The following GAS2L3 variants were observed in gnomAD, a reference collection of about 807,000 sequenced individuals.
The protein encoded by GAS2L3 is growth arrest specific 2 like 3, also known as GAS2-like protein 3.
GAS2L3 carries 28 observed loss-of-function variants against 37.0 expected under a neutral mutation model. The ratio of observed to expected loss-of-function variants is 0.76; its 90% CI spans 0.56 to 1.04. The LOEUF (loss-of-function observed/expected upper bound fraction) is 1.04. GAS2L3 is among the 50% of genes least tolerant of loss of function. GAS2L3 has a pLI of 0.00. For synonymous variants in GAS2L3, 290 were observed against 296.6 expected, an observed-to-expected ratio of 0.98 and a Z score of 0.23; for missense variants, 793 against 817.6, an observed-to-expected ratio of 0.97 and a Z score of 0.37.
intron 5 of GAS2L3, among the ~76,000 whole-genome samples, chr12:100,609,987 C>T (rs547041960): frequency 4.6e-5 from 7 of 152,274 alleles, no homozygotes; most frequent in South Asian, 4.1e-4. Flanking sequence ...CTCAGTGATA[C>T]GAAATTAAAA....
At chr12:100,591,285 G>A (rs762314283) in intron 1 of GAS2L3, among the ~76,000 whole-genome samples, 43 of 151,994 alleles carry the variant, frequency 2.8e-4, no homozygotes, top group East Asian at 5.8e-4. Flanking sequence ...AGATCACAGC[G>A]CAAACAGTTA....
intron 1 of GAS2L3, among the ~76,000 whole-genome samples, chr12:100,580,802 G>C (rs1955701608): frequency 6.6e-6 from 1 of 152,164 alleles, no homozygotes; most frequent in South Asian, 2.1e-4. Context: ...TGTTGAACTA[G>C]ATGCTTCCTG....
chr12:100,583,279 A>G (rs899820295), intron 1 of GAS2L3, among the ~76,000 whole-genome samples: 1 of 152,240 alleles, frequency 6.6e-6, no homozygotes, highest in Non-Finnish European at 1.5e-5. Flanking sequence ...GTAAGGTCAC[A>G]TATTCACAGG....
chr12:100,574,030 C>T (rs73155629), intron 1 of GAS2L3: 1,740 of 152,438 alleles, frequency 0.011, 21 homozygotes, highest in Middle Eastern at 0.034. Context: ...CACCTGTCCA[C>T]CCAAGTGCGG....
chr12:100,581,733 A>T lies in GAS2L3; in HGVS notation c.-152+7948A>T, dbSNP rs147881679. On this transcript the variant is annotated intron_variant, in intron 1 of 9. Transcript: ENST00000547754. ...TTTATGTGTAGGAACTCACATATAA[A>T]CATGAAATAACCACTGCCAATATTC... is the stretch of plus-strand genomic sequence containing the variant. Among the ~76,000 whole-genome samples the T allele has an allele frequency of 7.6e-4, 116 of 152,362 alleles. No individual in the cohort carries two copies. In the East Asian group the frequency reaches 0.019, roughly 25 times the overall value.
intron 5 of GAS2L3, among the ~76,000 whole-genome samples, chr12:100,609,481 C>G (rs1025823989): frequency 6.6e-6 from 1 of 152,036 alleles, no homozygotes; most frequent in Non-Finnish European, 1.5e-5. Flanking sequence ...TTCTTTGCAC[C>G]TTATGGCTGC....
intron 1 of GAS2L3, among the ~76,000 whole-genome samples, chr12:100,582,942 T>C (rs1212330848): frequency 6.6e-6 from 1 of 152,194 alleles, no homozygotes; most frequent in Admixed American, 6.5e-5. Context: ...GATCTCTCTT[T>C]GATGCTCTTC....
intron 3 of GAS2L3, among the ~76,000 whole-genome samples, chr12:100,598,869 C>G (rs1041646450): frequency 2.6e-5 from 4 of 152,174 alleles, no homozygotes; most frequent in African/African-American, 7.2e-5. Flanking sequence ...TTGTACCTGT[C>G]TTCAGTGAGA....
chr12:100,579,838 T>C (rs761868358), intron 1 of GAS2L3: 11 of 736,240 alleles, frequency 1.5e-5, no homozygotes, highest in African/African-American at 7.0e-5. Context: ...ATTTTCCAAC[T>C]GAAGTCAGGG....
At chr12:100,585,309 G>A (rs1245197700) in intron 1 of GAS2L3, among the ~76,000 whole-genome samples, 1 of 151,342 alleles carries the variant, frequency 6.6e-6, no homozygotes, top group Non-Finnish European at 1.5e-5. Context: ...AGGTTGGAGT[G>A]CAGTGTAGCA....
chr12:100,585,233 A>G (rs1955765428), intron 1 of GAS2L3, among the ~76,000 whole-genome samples: 1 of 150,406 alleles, frequency 6.6e-6, no homozygotes, highest in Admixed American at 6.6e-5. Flanking sequence ...CCTGAAACAA[A>G]CCAAAACACA....
chr12:100,624,213 C>T lies in GAS2L3; in HGVS notation c.1408C>T (p.Gln470Ter), dbSNP rs375736657. The change falls in exon 10 of 10, where the codon CAA (glutamine) becomes TAA (stop). Residue 470 changes from glutamine (Q) to a stop codon, truncating the protein, a stop_gained. Transcript: ENST00000547754. LOFTEE classifies it low-confidence loss of function (END_TRUNC). ...LLPNKCSGKT[Q>*]PKYLKHNHIS... ...GCCAAATAAGTGTTCAGGAAAAACT[C>T]AACCTAAGTATTTGAAACATAATCA... 14 of 1,613,978 alleles carry T rather than the reference C, an allele frequency of 8.7e-6. No homozygotes were observed. Among genetic ancestry groups the T allele is most frequent in the Non-Finnish European group, 1.0e-5 (12 of 1,179,966 alleles).
intron 5 of GAS2L3, among the ~76,000 whole-genome samples, chr12:100,610,447 G>T (rs1416000227): frequency 6.6e-6 from 1 of 151,864 alleles, no homozygotes; most frequent in African/African-American, 2.4e-5. Flanking sequence ...GTGTAGTTGT[G>T]CATAGAGATG....
intron 1 of GAS2L3, among the ~76,000 whole-genome samples, chr12:100,591,193 G>C (rs945777743): frequency 6.6e-6 from 1 of 152,096 alleles, no homozygotes; most frequent in African/African-American, 2.4e-5. Context: ...TGTCTTTTAT[G>C]TTCATCACTG....
At chr12:100,579,914 G>A in intron 1 of GAS2L3, 1 of 762,620 alleles carries the variant, frequency 1.3e-6, no homozygotes, top group Admixed American at 1.7e-5. Flanking sequence ...GGAATGTTGT[G>A]GAGAGAACTG....
At chr12:100,619,904 GA>G (rs1036470072) in intron 8 of GAS2L3, among the ~76,000 whole-genome samples, 1 of 151,984 alleles carries the variant, frequency 6.6e-6, no homozygotes, top group African/African-American at 2.4e-5. Context: ...GAAACTTGCT[GA>G]TAATCAAGGA....
At position 100,618,478 on chromosome 12, in the gene GAS2L3, A is replaced by G. The variant is rs930757460; in HGVS notation, c.539A>G (p.Lys180Arg). ...GGGGTTGAGCCACCAGTGTTAGTAAAACTTGAGAAAGAAATTGAGTTAGAA... is the reference window on the plus strand; with the variant it reads ...GGGGTTGAGCCACCAGTGTTAGTAAGACTTGAGAAAGAAATTGAGTTAGAA... ...RYGVEPPVLV[K>R]LEKEIELEET... is the part of the protein sequence containing the mutation. The change falls in exon 8 of 10, where the codon AAA (lysine) becomes AGA (arginine). Residue 180 changes from lysine to arginine, a missense_variant. Transcript: ENST00000547754. 1.2e-6 allele frequency: 2 copies of G among 1,611,286 alleles called. No individual in the cohort carries two copies. The highest frequency in any genetic ancestry group is 1.7e-6 in the Non-Finnish European group (2 of 1,178,884).
chr12:100,600,566 A>G lies in GAS2L3; in HGVS notation c.187+16A>G, dbSNP rs934339218. The G allele has an allele frequency of 6.3e-7, 1 of 1,595,580 alleles. No homozygotes were observed. The highest frequency in any genetic ancestry group is 1.3e-5 in the African/African-American group (1 of 74,560). On this transcript the variant is annotated intron_variant, in intron 4 of 9. Transcript: ENST00000547754. ...GGTTTATTAGGTGAGGCTTGAAACA[A>G]TACCCAAAATTGTATTATCTTATTC...
At position 100,624,094 on chromosome 12, in the gene GAS2L3, A is replaced by G; in HGVS notation, c.1289A>G (p.Glu430Gly). The G allele has an allele frequency of 6.2e-7, 1 of 1,614,038 alleles. No individual in the cohort carries two copies. The highest frequency in any genetic ancestry group is 8.5e-7 in the Non-Finnish European group (1 of 1,179,990). ...ALPRTAPCIS[E>G]SPRKCISSPN... ...CCAAGAACTGCACCTTGTATATCTG[A>G]GTCACCGAGAAAATGTATTTCATCC... The change falls in exon 10 of 10, where the codon GAG becomes GGG. Residue 430 changes from glutamate to glycine, a missense_variant. Glu to Gly is a moderately conservative substitution (Grantham distance 98). Transcript: ENST00000547754.
Sources: gnomAD v4.1 joint callset for allele counts (sites outside exome capture counted in the v4.1 genomes callset) on GRCh38, gnomAD v4.1.1 for gene constraint, MANE v1.5 for transcripts, NCBI Gene and HGNC (gene_info 2026-07-23, HGNC 2026-07-21) for gene names.